Variants in EVA1C observed in about 807,000 individuals in gnomAD.
EVA1C encodes the protein protein eva-1 homolog C.
Under a neutral mutation model 45.4 loss-of-function variants are expected in EVA1C, and 25 were observed. That is an observed-to-expected ratio of 0.55 (90% CI 0.40 to 0.77). EVA1C has a LOEUF of 0.77. Among genes scored for constraint, EVA1C ranks in the 30% least tolerant of loss-of-function variants. The pLI is 0.00. For missense variants in EVA1C, 479 were observed against 554.8 expected (o/e 0.86, Z 1.37); for synonymous variants, 190 against 221.2 (o/e 0.86, Z 1.25).
At chr21:32,417,309 T>C (rs1307308179) in intron 1 of EVA1C, among the ~76,000 whole-genome samples, 1 of 152,240 alleles carries the variant, frequency 6.6e-6, no homozygotes, top group Admixed American at 6.5e-5. Flanking sequence ...GATCAAGGTC[T>C]TGGCAGAGTT....
At chr21:32,471,161 G>C (rs2036355832) in intron 4 of EVA1C, among the ~76,000 whole-genome samples, 1 of 151,726 alleles carries the variant, frequency 6.6e-6, no homozygotes, top group South Asian at 2.1e-4. Flanking sequence ...GACCCTTGGT[G>C]TTTTAACTTC....
chr21:32,454,683 T>C (rs1284712714), intron 2 of EVA1C, among the ~76,000 whole-genome samples: 4 of 152,132 alleles, frequency 2.6e-5, no homozygotes, highest in African/African-American at 7.2e-5. Flanking sequence ...TGGAAGTCTG[T>C]TTGATTTTGT....
chr21:32,457,567 GCCTGTC>G, intron 2 of EVA1C, 24 bp from the exon 3 acceptor site: 2 of 1,613,734 alleles, frequency 1.2e-6, no homozygotes, highest in Non-Finnish European at 1.7e-6. Context: ...CAGTTTTCAA[GCCTGTC>G]CCTTTTCTAC....
intron 4 of EVA1C, among the ~76,000 whole-genome samples, chr21:32,484,112 T>A (rs1310043869): frequency 6.6e-6 from 1 of 152,002 alleles, no homozygotes; most frequent in Non-Finnish European, 1.5e-5. Flanking sequence ...CTCCAATGAG[T>A]AGAAGAGTTT....
intron 1 of EVA1C, among the ~76,000 whole-genome samples, chr21:32,448,914 A>AG (rs2035462499): frequency 2.7e-5 from 1 of 36,800 alleles, no homozygotes; most frequent in Non-Finnish European, 4.2e-5. Flanking sequence ...GAAAGGAGAA[A>AG]AGAGAGAAAG....
intron 1 of EVA1C, among the ~76,000 whole-genome samples, chr21:32,424,652 G>A (rs2833810): frequency 0.16 from 24,795 of 152,152 alleles, 2,499 homozygotes; most frequent in East Asian, 0.28. Context: ...CAAAGACTCA[G>A]AATGAAAAGA....
intron 2 of EVA1C, among the ~76,000 whole-genome samples, chr21:32,455,486 A>G (rs1601311847): frequency 6.6e-6 from 1 of 151,628 alleles, no homozygotes; most frequent in East Asian, 1.9e-4. Context: ...CACCCACCCT[A>G]CCCCTAACTC....
chr21:32,446,584 A>G (rs2035371524), intron 1 of EVA1C, among the ~76,000 whole-genome samples: 2 of 152,214 alleles, frequency 1.3e-5, no homozygotes, highest in Admixed American at 6.5e-5. Flanking sequence ...GACTCTGCCC[A>G]GCACACTGGA....
intron 1 of EVA1C, 23 bp downstream of exon 1, chr21:32,413,036 T>C: frequency 1.5e-6 from 2 of 1,369,974 alleles, no homozygotes; most frequent in South Asian, 1.9e-5. Flanking sequence ...TCCCTGGCTG[T>C]GTGCCCCCGG....
intron 4 of EVA1C, among the ~76,000 whole-genome samples, chr21:32,477,148 T>C (rs1378070650): frequency 6.6e-6 from 1 of 152,148 alleles, no homozygotes; most frequent in Non-Finnish European, 1.5e-5. Flanking sequence ...AGCAAGTCTG[T>C]GTCCACTCAC....
At chr21:32,466,707 T>C (rs2036187597) in intron 3 of EVA1C, among the ~76,000 whole-genome samples, 1 of 152,208 alleles carries the variant, frequency 6.6e-6, no homozygotes, top group African/African-American at 2.4e-5. Context: ...TTTACCAGAT[T>C]TGGGGCAGAC....
chr21:32,502,026 TTCTTTCTTTC>T (rs1426007516), intron 6 of EVA1C, among the ~76,000 whole-genome samples: 1 of 139,668 alleles, frequency 7.2e-6, no homozygotes, highest in East Asian at 2.1e-4. Flanking sequence ...CTTTCTTTCT[TTCTTTCTTTC>T]TTTCTTTCTT....
chr21:32,463,022 G>A (rs1345310025), intron 3 of EVA1C, among the ~76,000 whole-genome samples: 1 of 152,144 alleles, frequency 6.6e-6, no homozygotes, highest in Admixed American at 6.5e-5. Flanking sequence ...AGCGCCACTG[G>A]TTTAGGGTCT....
At chr21:32,434,121 C>T (rs904998890) in intron 1 of EVA1C, among the ~76,000 whole-genome samples, 3 of 151,836 alleles carry the variant, frequency 2.0e-5, no homozygotes, top group African/African-American at 2.4e-5. Context: ...ATGGTGAAAA[C>T]TGTCTCTACT....
chr21:32,422,106 A>T (rs2034303230), intron 1 of EVA1C, among the ~76,000 whole-genome samples: 1 of 151,988 alleles, frequency 6.6e-6, no homozygotes, highest in Non-Finnish European at 1.5e-5. Context: ...CTAAAACATG[A>T]GAAAGGAACA....
intron 7 of EVA1C, among the ~76,000 whole-genome samples, chr21:32,508,025 A>G (rs1426547636): frequency 2.6e-5 from 4 of 151,894 alleles, no homozygotes; most frequent in African/African-American, 4.8e-5. Context: ...ATGTGTGTGC[A>G]TGCACATGTG....
intron 3 of EVA1C, among the ~76,000 whole-genome samples, chr21:32,459,052 T>C (rs2035898740): frequency 6.6e-6 from 1 of 152,052 alleles, no homozygotes; most frequent in Non-Finnish European, 1.5e-5. Context: ...CCTGTGTTCT[T>C]CTAACACAGC....
At chr21:32,513,277 C>T (rs987538609) in intron 7 of EVA1C, among the ~76,000 whole-genome samples, 19 of 148,684 alleles carry the variant, frequency 1.3e-4, no homozygotes, top group South Asian at 4.2e-4. Flanking sequence ...CTCGGGTTCA[C>T]GCCATCCTCC....
At chr21:32,505,350 T>C (rs968315921) in intron 7 of EVA1C, among the ~76,000 whole-genome samples, 1 of 152,204 alleles carries the variant, frequency 6.6e-6, no homozygotes, top group Admixed American at 6.5e-5. Flanking sequence ...TTCCTGATCA[T>C]TGTCAATGTT....
Sources: gnomAD v4.1 joint callset for allele counts (sites outside exome capture counted in the v4.1 genomes callset) on GRCh38, gnomAD v4.1.1 for gene constraint, MANE v1.5 for transcripts, NCBI Gene and HGNC (gene_info 2026-07-23, HGNC 2026-07-21) for gene names.